The following METTL15 variants were observed in gnomAD, a reference collection of about 807,000 sequenced individuals.
METTL15 encodes the protein methyltransferase 15, mitochondrial 12S rRNA N4-cytidine.
METTL15 carries 34 observed loss-of-function variants against 38.3 expected under a neutral mutation model. The ratio of observed to expected loss-of-function variants is 0.89; its 90% confidence interval spans 0.68 to 1.18. The LOEUF (loss-of-function observed/expected upper bound fraction) is 1.18, where lower values mean the gene tolerates loss of function less well. METTL15 is among the 50% of genes most tolerant of loss of function. The pLI, the probability that METTL15 is intolerant of heterozygous loss-of-function variation, is 0.00. For missense variants in METTL15, 438 were observed against 498.4 expected, an observed-to-expected ratio of 0.88 and a Z score of 1.15; for synonymous variants, 162 against 170.9, an observed-to-expected ratio of 0.95 and a Z score of 0.41.
At chr11:28,337,099 CA>C (rs1419134209), downstream of METTL15, among the ~76,000 whole-genome samples, 4 of 151,814 alleles carry the variant, frequency 2.6e-5, no homozygotes, top group South Asian at 2.1e-4. Flanking sequence ...AAAATTAATA[CA>C]AAAAATATAG....
chr11:28,276,827 G>A (rs1855860512), intron 4 of METTL15, among the ~76,000 whole-genome samples: 1 of 152,106 alleles, frequency 6.6e-6, no homozygotes, highest in South Asian at 2.1e-4. Context: ...AGTATACCCT[G>A]TTCAGTAAAT....
chr11:28,238,700 G>C (rs187856969), intron 4 of METTL15, among the ~76,000 whole-genome samples: 8 of 152,148 alleles, frequency 5.3e-5, no homozygotes, highest in African/African-American at 1.9e-4. Context: ...CTCCTGCGTC[G>C]CTCACGCTGG....
intron 3 of METTL15, among the ~76,000 whole-genome samples, chr11:28,155,995 C>G (rs1032090): frequency 0.46 from 70,493 of 152,060 alleles, 17,898 homozygotes; most frequent in Admixed American, 0.56. Flanking sequence ...GTAAACGTGA[C>G]TTAGCAGAAA....
intron 5 of METTL15, among the ~76,000 whole-genome samples, chr11:28,376,423 C>T (rs1488751185): frequency 6.6e-6 from 1 of 152,048 alleles, no homozygotes; most frequent in East Asian, 1.9e-4. Context: ...TATGTAATGG[C>T]CTTCTTTGTC....
chr11:28,513,923 C>T (rs1433667629), intron 6 of METTL15, among the ~76,000 whole-genome samples: 4 of 152,230 alleles, frequency 2.6e-5, no homozygotes, highest in African/African-American at 9.6e-5. Context: ...CCATCATGAA[C>T]ATGTCACAGT....
rs541948518 is a variant in METTL15, at chr11:28,443,273, T to C, written c.*424+18909T>C. Among the ~76,000 whole-genome samples, 4 of 151,980 alleles carry C rather than the reference T, an allele frequency of 2.6e-5. 1 individual carries two copies. The South Asian group carries it at 8.3e-4, about 31-fold the overall frequency. On this transcript the variant is annotated intron_variant and NMD_transcript_variant, in intron 6 of 7. Transcript: ENST00000532947. Reference sequence around the variant, plus strand: ...TGATTCCATACCTTGGCTTGGCTTCTGAGGCATAGCCGCCTCTCGTTATTC... The same window carrying C: ...TGATTCCATACCTTGGCTTGGCTTCCGAGGCATAGCCGCCTCTCGTTATTC...
chr11:28,332,942 A>G lies in METTL15; in HGVS notation c.*2101A>G, dbSNP rs1280993845. 9.0e-6 allele frequency: 1 copy of G among 111,018 alleles called. No individual in the cohort carries two copies. The highest frequency in any genetic ancestry group is 1.8e-5 in the Non-Finnish European group (1 of 56,402). 6.9% of individuals were successfully genotyped at this position (111,018 alleles called of 1,614,324 possible). On this transcript the variant is annotated 3_prime_UTR_variant, in exon 7 of 7. Coordinates refer to ENST00000407364, the MANE Select transcript of METTL15 (RefSeq NM_001113528.2). ...ACAGAACGAGACTCTGTCTCAAAAA[A>G]AAAAAAAAAAAGGAAGAAAGAGAAG...
intron 4 of METTL15, among the ~76,000 whole-genome samples, chr11:28,242,634 C>T (rs549998583): frequency 6.6e-6 from 1 of 152,242 alleles, no homozygotes; most frequent in Non-Finnish European, 1.5e-5. Flanking sequence ...GGACACAACT[C>T]TTGTTTTTCC....
chr11:28,432,726 CA>C (rs1850943045), intron 6 of METTL15, among the ~76,000 whole-genome samples: 1 of 152,166 alleles, frequency 6.6e-6, no homozygotes. Context: ...AAAGGTATGG[CA>C]GAGTGAGTAG....
At chr11:28,114,651 A>G (rs1021293030) in intron 3 of METTL15, among the ~76,000 whole-genome samples, 6 of 152,116 alleles carry the variant, frequency 3.9e-5, no homozygotes, top group African/African-American at 1.4e-4. Flanking sequence ...GGGTTTCACC[A>G]TGTTGGCCAG....
At chr11:28,119,902 G>C (rs1340347020) in intron 3 of METTL15, among the ~76,000 whole-genome samples, 1 of 152,190 alleles carries the variant, frequency 6.6e-6, no homozygotes, top group Non-Finnish European at 1.5e-5. Context: ...TTGTTAAAGA[G>C]AAACTTTTCT....
At chr11:28,177,615 T>TG (rs1851125394) in intron 3 of METTL15, among the ~76,000 whole-genome samples, 1 of 152,012 alleles carries the variant, frequency 6.6e-6, no homozygotes, top group Non-Finnish European at 1.5e-5. Flanking sequence ...ATTTGAAAGT[T>TG]ATATTACTTA....
intron 6 of METTL15, among the ~76,000 whole-genome samples, chr11:28,462,017 G>GCA (rs766117096): frequency 7.0e-5 from 4 of 57,362 alleles, no homozygotes; most frequent in South Asian, 5.0e-4. Context: ...TTGCCCGGGT[G>GCA]CCCTTGAGGA....
chr11:28,382,304 T>C (rs1245423930), intron 5 of METTL15, among the ~76,000 whole-genome samples: 1 of 152,172 alleles, frequency 6.6e-6, no homozygotes, highest in Non-Finnish European at 1.5e-5. Flanking sequence ...AGTCTGGGGA[T>C]GATAGTTCTG....
intron 4 of METTL15, among the ~76,000 whole-genome samples, chr11:28,289,758 T>C (rs1159941440): frequency 6.6e-6 from 1 of 152,180 alleles, no homozygotes; most frequent in Non-Finnish European, 1.5e-5. Flanking sequence ...TGGAGAAAGC[T>C]AAAATGATTG....
chr11:28,472,232 A>T (rs566067242), intron 6 of METTL15, among the ~76,000 whole-genome samples: 3 of 152,282 alleles, frequency 2.0e-5, no homozygotes, highest in African/African-American at 7.2e-5. Context: ...TACTTTGAAT[A>T]TTTAATACTA....
rs149451751 is a variant in METTL15 at position 28,525,400 on chromosome 11, A to C, written c.*425-1078A>C. ...CGTCCCCACTAGATTAGCTAGATACACAGTGCTAATTGATGTATTTACAAA... is the reference window on the plus strand; with the variant it reads ...CGTCCCCACTAGATTAGCTAGATACCCAGTGCTAATTGATGTATTTACAAA... On this transcript the variant is annotated intron_variant and NMD_transcript_variant, in intron 6 of 7. Coordinates refer to the METTL15 transcript ENST00000532947. 2.4e-3 allele frequency among the ~76,000 whole-genome samples: 369 copies of C among 152,278 alleles called. 1 individual carries two copies. The highest frequency in any genetic ancestry group is 4.6e-3 in the Non-Finnish European group (316 of 68,022).
chr11:28,319,477 T>C (rs1849387406), intron 6 of METTL15, among the ~76,000 whole-genome samples: 1 of 151,450 alleles, frequency 6.6e-6, no homozygotes, highest in South Asian at 2.1e-4. Flanking sequence ...TTGAGAAAAC[T>C]CATACTGATC....
At chr11:28,216,513 G>A (rs1565174314) in intron 4 of METTL15, among the ~76,000 whole-genome samples, 1 of 151,980 alleles carries the variant, frequency 6.6e-6, no homozygotes, top group African/African-American at 2.4e-5. Context: ...GAATATACAA[G>A]TTCTATGAGA....
Sources: gnomAD v4.1 joint callset for allele counts (sites outside exome capture counted in the v4.1 genomes callset) on GRCh38, gnomAD v4.1.1 for gene constraint, MANE v1.5 for transcripts, NCBI Gene and HGNC (gene_info 2026-07-23, HGNC 2026-07-21) for gene names.